Variants in CDH12 observed in about 807,000 individuals in gnomAD.
CDH12 encodes cadherin-12.
Under a neutral mutation model 74.1 loss-of-function variants are expected in CDH12, and 41 were observed. That is an observed-to-expected ratio of 0.55 (90% CI 0.43 to 0.72). The LOEUF (loss-of-function observed/expected upper bound fraction) is 0.72, where lower values mean the gene tolerates loss of function less well. Among genes scored for constraint, CDH12 ranks in the 30% least tolerant of loss-of-function variants. The pLI is 0.00. For missense variants in CDH12, 945 were observed against 977.2 expected, an observed-to-expected ratio of 0.97 and a Z score of 0.44; for synonymous variants, 399 against 355.0, an observed-to-expected ratio of 1.12 and a Z score of -1.39.
intron 1 of CDH12, among the ~76,000 whole-genome samples, chr5:22,657,218 A>G (rs975150961): frequency 6.6e-6 from 1 of 152,156 alleles, no homozygotes; most frequent in Non-Finnish European, 1.5e-5. Flanking sequence ...AAACAAAATC[A>G]TAATAGTGGT....
At chr5:22,469,530 C>T (rs1745871672) in intron 2 of CDH12, among the ~76,000 whole-genome samples, 1 of 121,982 alleles carries the variant, frequency 8.2e-6, no homozygotes. Context: ...TTAAGGCTCA[C>T]TCCAGTGACT....
chr5:21,932,578 A>T (rs957871947), intron 6 of CDH12, among the ~76,000 whole-genome samples: 4 of 152,112 alleles, frequency 2.6e-5, no homozygotes, highest in Non-Finnish European at 5.9e-5. Context: ...ATAATTGCAC[A>T]TCATTCAAAA....
intron 4 of CDH12, among the ~76,000 whole-genome samples, chr5:22,191,469 T>G (rs1580380403): frequency 6.6e-6 from 1 of 152,068 alleles, no homozygotes; most frequent in South Asian, 2.1e-4. Flanking sequence ...TGGGTTAAAC[T>G]GTGTGATTCA....
chr5:22,198,000 G>A (rs1750717824), intron 4 of CDH12, among the ~76,000 whole-genome samples: 1 of 151,462 alleles, frequency 6.6e-6, no homozygotes, highest in South Asian at 2.1e-4. Context: ...AAAAATAACA[G>A]TAAAATAAGT....
chr5:22,035,801 A>G (rs1739141743), intron 5 of CDH12, among the ~76,000 whole-genome samples: 1 of 151,988 alleles, frequency 6.6e-6, no homozygotes, highest in South Asian at 2.1e-4. Flanking sequence ...CATTGTGAAA[A>G]ACTAAGACCT....
intron 1 of CDH12, among the ~76,000 whole-genome samples, chr5:22,776,432 T>C (rs1222982869): frequency 6.6e-6 from 1 of 152,142 alleles, no homozygotes; most frequent in Non-Finnish European, 1.5e-5. Flanking sequence ...CGTGTGTGTA[T>C]GTGTGTGCAT....
intron 9 of CDH12, among the ~76,000 whole-genome samples, chr5:21,812,803 T>C (rs1357246275): frequency 3.3e-5 from 5 of 152,152 alleles, no homozygotes; most frequent in Admixed American, 1.3e-4. Context: ...AAAGATTCAA[T>C]AGATGTAGGG....
At chr5:22,789,525 T>G (rs1377334820) in intron 1 of CDH12, among the ~76,000 whole-genome samples, 1 of 152,134 alleles carries the variant, frequency 6.6e-6, no homozygotes, top group South Asian at 2.1e-4. Flanking sequence ...AGAGATAAAT[T>G]TATAGTTATT....
intron 2 of CDH12, among the ~76,000 whole-genome samples, chr5:22,406,941 C>A (rs1327118824): frequency 6.6e-6 from 1 of 151,926 alleles, no homozygotes; most frequent in African/African-American, 2.4e-5. Context: ...AAAGAAGAAA[C>A]AGCAAATATG....
At chr5:21,808,050 G>T (rs1468910201) in intron 9 of CDH12, among the ~76,000 whole-genome samples, 1 of 152,070 alleles carries the variant, frequency 6.6e-6, no homozygotes, top group Admixed American at 6.6e-5. Flanking sequence ...GTGCCTGTGG[G>T]AACTGAAACC....
At chr5:22,528,183 T>C (rs1456072502) in intron 1 of CDH12, among the ~76,000 whole-genome samples, 3 of 152,186 alleles carry the variant, frequency 2.0e-5, no homozygotes, top group Non-Finnish European at 1.5e-5. Flanking sequence ...TTGTCTTACA[T>C]GACAACTGCT....
intron 1 of CDH12, among the ~76,000 whole-genome samples, chr5:22,729,654 C>T (rs1163050314): frequency 1.3e-5 from 2 of 151,876 alleles, no homozygotes; most frequent in African/African-American, 4.8e-5. Context: ...ACAGCTGAAG[C>T]ATTAGACTGA....
intron 4 of CDH12, among the ~76,000 whole-genome samples, chr5:22,148,998 A>C (rs924304812): frequency 6.6e-6 from 1 of 152,140 alleles, no homozygotes; most frequent in African/African-American, 2.4e-5. Flanking sequence ...CACACCTGCA[A>C]TCCCAGCTAC....
At position 22,436,445 on chromosome 5, in the gene CDH12, A is replaced by AT. The variant is rs1364939737; in HGVS notation, c.-427-31095_-427-31094insA. Among the ~76,000 whole-genome samples the AT allele has an allele frequency of 2.2e-4, 33 of 151,324 alleles. No individual in the cohort carries two copies. In the East Asian group the frequency reaches 5.1e-3, roughly 23 times the overall value. On this transcript the variant is annotated intron_variant, in intron 2 of 14. Transcript: ENST00000382254. ...CCTAGAAGTTAAAGTATAATAAAAA[A>AT]AATATATATATAAAGCAAAATCAAG...
chr5:22,671,696 T>A (rs1031083341), intron 1 of CDH12, among the ~76,000 whole-genome samples: 13 of 151,910 alleles, frequency 8.6e-5, no homozygotes, highest in Admixed American at 8.5e-4. Flanking sequence ...CAGCTTAGAA[T>A]CCACTGGCTA....
intron 1 of CDH12, among the ~76,000 whole-genome samples, chr5:22,570,035 T>TTTTATTTATTTA (rs59201709): frequency 4.0e-5 from 6 of 149,990 alleles, no homozygotes; most frequent in African/African-American, 9.8e-5. Context: ...ATGTATTTCG[T>TTTTATTTATTTA]TTTATTTATT....
At chr5:22,184,100 T>C (rs1166381590) in intron 4 of CDH12, among the ~76,000 whole-genome samples, 1 of 152,142 alleles carries the variant, frequency 6.6e-6, no homozygotes, top group Non-Finnish European at 1.5e-5. Context: ...GGTATGAATT[T>C]AGATAAGGCA....
intron 4 of CDH12, among the ~76,000 whole-genome samples, chr5:22,164,023 G>C (rs1158953131): frequency 4.6e-5 from 7 of 152,168 alleles, no homozygotes; most frequent in Non-Finnish European, 5.9e-5. Context: ...GTAGATTCCA[G>C]GTTTATTTAC....
At chr5:22,120,848 T>A (rs964060971) in intron 4 of CDH12, among the ~76,000 whole-genome samples, 1 of 152,206 alleles carries the variant, frequency 6.6e-6, no homozygotes, top group Admixed American at 6.5e-5. Flanking sequence ...ACCTCAAATG[T>A]ACAGGTTTTT....
Sources: allele counts gnomAD v4.1 joint callset (sites outside exome capture counted in the v4.1 genomes callset), GRCh38; gene constraint gnomAD v4.1.1; transcripts MANE v1.5; gene names NCBI Gene and HGNC (gene_info 2026-07-23, HGNC 2026-07-21).